Variants in DAB1 observed in about 807,000 individuals in gnomAD.
DAB1 encodes the protein DAB adaptor protein 1.
Under a neutral mutation model 64.6 loss-of-function variants are expected in DAB1, and 15 were observed. The ratio of observed to expected loss-of-function variants is 0.23; its 90% CI spans 0.16 to 0.36. The LOEUF (loss-of-function observed/expected upper bound fraction) is 0.36, where lower values mean the gene tolerates loss of function less well. Among genes scored for constraint, DAB1 ranks in the 10% least tolerant of loss-of-function variants. The pLI is 1.00. For synonymous variants in DAB1, 235 were observed against 251.9 expected, an observed-to-expected ratio of 0.93 and a Z score of 0.64; for missense variants, 596 against 706.7, an observed-to-expected ratio of 0.84 and a Z score of 1.78.
intron 6 of DAB1, among the ~76,000 whole-genome samples, chr1:57,695,384 G>GAAT (rs1646826057): frequency 1.3e-5 from 1 of 75,180 alleles, no homozygotes; most frequent in South Asian, 4.8e-4. Flanking sequence ...AAGAAAGAAA[G>GAAT]AAAGAAAGAA....
chr1:58,056,575 C>G lies in DAB1; in HGVS notation n.387+93936G>C, dbSNP rs759187150. On this transcript the variant is annotated intron_variant and non_coding_transcript_variant, in intron 5 of 20. Transcript: ENST00000485760. ...AACCTAACTCCCCCATTTTCTGGCTCTCAGGCTCTGCCTTCTCATCAATGC... is the reference window on the plus strand; with the variant it reads ...AACCTAACTCCCCCATTTTCTGGCTGTCAGGCTCTGCCTTCTCATCAATGC... 637 of 741,522 alleles carry G rather than the reference C, an allele frequency of 8.6e-4. 8 individuals are homozygous for G. The highest frequency in any genetic ancestry group is 3.4e-4 in the Middle Eastern group (1 of 2,978). The allele number at this position is 741,522 out of a possible 1,614,324, so 45.9% of individuals were successfully genotyped here. A position where few individuals can be genotyped will look rare whatever the true frequency, so the allele number is the denominator to read the frequency against.
intron 5 of DAB1, among the ~76,000 whole-genome samples, chr1:58,026,171 G>A (rs144658406): frequency 7.2e-5 from 11 of 152,212 alleles, no homozygotes; most frequent in Admixed American, 2.0e-4. Flanking sequence ...AGGTTCATAC[G>A]CATTCAATGA....
At chr1:57,395,901 A>G (rs1682770535) in intron 1 of DAB1, among the ~76,000 whole-genome samples, 1 of 152,246 alleles carries the variant, frequency 6.6e-6, no homozygotes, top group African/African-American at 2.4e-5. Context: ...CTCCGATTTT[A>G]CCTGATATTA....
At chr1:57,998,364 CTG>C (rs1185590243) in intron 5 of DAB1, among the ~76,000 whole-genome samples, 1 of 151,306 alleles carries the variant, frequency 6.6e-6, no homozygotes, top group Admixed American at 6.6e-5. Context: ...CACTTAACCT[CTG>C]AGTCCTCATC....
intron 5 of DAB1, among the ~76,000 whole-genome samples, chr1:57,943,443 T>A (rs531759217): frequency 3.9e-4 from 59 of 152,182 alleles, no homozygotes; most frequent in Non-Finnish European, 4.7e-4. Context: ...CCCTGTCCTA[T>A]TGGAAGAGCC....
intron 7 of DAB1, among the ~76,000 whole-genome samples, chr1:57,559,160 T>C (rs374411128): frequency 1.8e-4 from 28 of 152,344 alleles, no homozygotes; most frequent in South Asian, 1.0e-3. Context: ...GTCTGACTCA[T>C]GTAGAGCTCT....
chr1:58,242,848 G>A (rs554834761), intron 4 of DAB1, among the ~76,000 whole-genome samples: 1 of 152,040 alleles, frequency 6.6e-6, no homozygotes, highest in African/African-American at 2.4e-5. Context: ...AATGAACATG[G>A]GGAATTAACC....
chr1:58,022,757 G>A (rs1434236741), intron 5 of DAB1, among the ~76,000 whole-genome samples: 2 of 151,968 alleles, frequency 1.3e-5, no homozygotes, highest in East Asian at 3.9e-4. Context: ...ACTGCACTTC[G>A]GAATTTCATT....
intron 5 of DAB1, among the ~76,000 whole-genome samples, chr1:58,094,232 G>A (rs551918391): frequency 6.6e-6 from 1 of 152,290 alleles, no homozygotes; most frequent in Admixed American, 6.5e-5. Flanking sequence ...ATCTCTGGGT[G>A]CCTCACAATC....
chr1:57,725,494 G>A (rs918660778), intron 6 of DAB1, among the ~76,000 whole-genome samples: 30 of 152,140 alleles, frequency 2.0e-4, no homozygotes, highest in African/African-American at 7.0e-4. Context: ...CGGCTAAGGT[G>A]GTGCTCTCCT....
At chr1:58,532,659 C>A (rs1646452466) in intron 1 of DAB1, among the ~76,000 whole-genome samples, 1 of 152,150 alleles carries the variant, frequency 6.6e-6, no homozygotes, top group Admixed American at 6.5e-5. Context: ...TCCAGAACAG[C>A]TGGAACTACA....
intron 1 of DAB1, among the ~76,000 whole-genome samples, chr1:57,844,996 G>A (rs979780729): frequency 1.3e-5 from 2 of 152,122 alleles, no homozygotes; most frequent in African/African-American, 4.8e-5. Flanking sequence ...AGAGTTAGGG[G>A]TACTTTCATT....
At chr1:58,032,665 G>C (rs767811157) in intron 5 of DAB1, among the ~76,000 whole-genome samples, 1 of 152,188 alleles carries the variant, frequency 6.6e-6, no homozygotes, top group African/African-American at 2.4e-5. Context: ...AAAGCAGTAG[G>C]CAGAGCTGGA....
chr1:58,135,633 G>T (rs1653901616), intron 5 of DAB1, among the ~76,000 whole-genome samples: 1 of 152,102 alleles, frequency 6.6e-6, no homozygotes, highest in African/African-American at 2.4e-5. Context: ...TACAGTTAAG[G>T]TTTCTCAATC....
At chr1:58,196,551 A>G (rs140803255) in intron 4 of DAB1, among the ~76,000 whole-genome samples, 30 of 152,334 alleles carry the variant, frequency 2.0e-4, no homozygotes, top group African/African-American at 7.0e-4. Flanking sequence ...AAGAACTGCC[A>G]GAGACCAGGT....
At chr1:57,161,940 T>C (rs566875318) in intron 2 of DAB1, among the ~76,000 whole-genome samples, 1 of 152,358 alleles carries the variant, frequency 6.6e-6, no homozygotes, top group South Asian at 2.1e-4. Flanking sequence ...ATATTGATAT[T>C]TTTGTGACAT....
intron 7 of DAB1, among the ~76,000 whole-genome samples, chr1:57,505,588 C>T (rs1644334518): frequency 6.6e-6 from 1 of 152,188 alleles, no homozygotes; most frequent in Admixed American, 6.5e-5. Context: ...TTCTGATTTC[C>T]TTCTATAATT....
At chr1:58,065,495 T>C (rs549282099) in intron 5 of DAB1, among the ~76,000 whole-genome samples, 17 of 151,898 alleles carry the variant, frequency 1.1e-4, no homozygotes, top group Non-Finnish European at 2.4e-4. Flanking sequence ...GGGAACTGGG[T>C]GTGAGGGGAA....
chr1:57,197,528 A>G (rs1390658536), intron 2 of DAB1, among the ~76,000 whole-genome samples: 1 of 152,222 alleles, frequency 6.6e-6, no homozygotes, highest in Admixed American at 6.5e-5. Context: ...AACTAGGTAC[A>G]ATTATTCTCA....
Sources: allele counts gnomAD v4.1 joint callset (sites outside exome capture counted in the v4.1 genomes callset), GRCh38; gene constraint gnomAD v4.1.1; transcripts MANE v1.5; gene names NCBI Gene and HGNC (gene_info 2026-07-23, HGNC 2026-07-21).